The following GARNL3 variants were observed in gnomAD, a reference collection of about 807,000 sequenced individuals.
GARNL3 encodes GTPase-activating Rap/Ran-GAP domain-like protein 3.
A neutral mutation model predicts 125.0 loss-of-function variants in GARNL3; 63 were observed. That is an observed-to-expected ratio of 0.50 (90% CI 0.41 to 0.62). The LOEUF (loss-of-function observed/expected upper bound fraction) is 0.62, where lower values mean the gene tolerates loss of function less well. GARNL3 is among the 20% of genes least tolerant of loss of function. GARNL3 has a pLI of 0.00. For missense variants in GARNL3, 994 were observed against 1,244.0 expected, an observed-to-expected ratio of 0.80 and a Z score of 3.02; for synonymous variants, 439 against 457.5, an observed-to-expected ratio of 0.96 and a Z score of 0.52.
At chr9:127,382,824 T>G (rs1178446632) in intron 22 of GARNL3, among the ~76,000 whole-genome samples, 1 of 152,160 alleles carries the variant, frequency 6.6e-6, no homozygotes, top group Non-Finnish European at 1.5e-5. Context: ...TACAAGCGTA[T>G]GGCTTCAAGT....
chr9:127,372,145 A>G (rs959711681), intron 22 of GARNL3, among the ~76,000 whole-genome samples: 3 of 152,222 alleles, frequency 2.0e-5, no homozygotes, highest in South Asian at 4.1e-4. Context: ...TCATTCATTC[A>G]TTTTTCTTCA....
intron 1 of GARNL3, among the ~76,000 whole-genome samples, chr9:127,269,995 A>G (rs2063787070): frequency 6.6e-6 from 1 of 152,172 alleles, no homozygotes; most frequent in African/African-American, 2.4e-5. Flanking sequence ...TGTCATATCC[A>G]AGAAATTATT....
chr9:127,307,820 TAAA>T (rs1393592932), intron 2 of GARNL3, among the ~76,000 whole-genome samples: 1 of 152,088 alleles, frequency 6.6e-6, no homozygotes, highest in Non-Finnish European at 1.5e-5. Flanking sequence ...AATAAAAAAA[TAAA>T]AAGATAAAAA....
chr9:127,314,447 C>T (rs529065240), intron 4 of GARNL3, among the ~76,000 whole-genome samples: 4 of 152,288 alleles, frequency 2.6e-5, no homozygotes, highest in Admixed American at 1.3e-4. Context: ...CCCACAATGC[C>T]TTCAAAGCCT....
At chr9:127,226,006 C>A (rs986663661) in intron 1 of GARNL3, among the ~76,000 whole-genome samples, 12 of 152,338 alleles carry the variant, frequency 7.9e-5, no homozygotes, top group African/African-American at 2.9e-4. Flanking sequence ...GCTTCGACGT[C>A]GCTCAAGTCG....
At chr9:127,278,324 C>A (rs184008655) in intron 1 of GARNL3, among the ~76,000 whole-genome samples, 8 of 152,244 alleles carry the variant, frequency 5.3e-5, no homozygotes, top group African/African-American at 1.7e-4. Flanking sequence ...AAAGTATAGT[C>A]TTTTTAGGCA....
chr9:127,288,601 T>C (rs1167214593), intron 1 of GARNL3, among the ~76,000 whole-genome samples: 1 of 152,224 alleles, frequency 6.6e-6, no homozygotes, highest in Non-Finnish European at 1.5e-5. Flanking sequence ...AGCTCTGTCT[T>C]TATGGATTTC....
chr9:127,354,547 G>A (rs4837144), intron 19 of GARNL3, 137 bp downstream of exon 19: 133,324 of 565,996 alleles, frequency 0.24, 17,709 homozygotes, highest in Admixed American at 0.4. Flanking sequence ...CACAAAAATA[G>A]CATCACTGTT....
In GARNL3 at chr9:127,385,187, C is replaced by A; in HGVS notation, c.2388+42C>A. On this transcript the variant is annotated intron_variant, in intron 24 of 27. Coordinates refer to ENST00000373387, the MANE Select transcript of GARNL3 (RefSeq NM_032293.5). The surrounding 1 kb of genome is among the most constrained non-coding windows in gnomAD (Gnocchi z 4.1). ...TTTTATCTCTGAGTGGTTTGGGGGA[C>A]CCCGGCACTGTGGGATTTCAGGTGA... 1.6e-6 allele frequency: 2 copies of A among 1,271,950 alleles called. No individual in the cohort carries two copies. The highest frequency in any genetic ancestry group is 2.2e-6 in the Non-Finnish European group (2 of 902,742). 78.8% of individuals were successfully genotyped at this position (1,271,950 alleles called of 1,614,324 possible). A position where few individuals can be genotyped will look rare whatever the true frequency, so the allele number is the denominator to read the frequency against.
intron 22 of GARNL3, among the ~76,000 whole-genome samples, chr9:127,369,334 C>T (rs970915751): frequency 8.5e-5 from 13 of 152,174 alleles, no homozygotes; most frequent in Non-Finnish European, 1.5e-4. Flanking sequence ...CTTCCTGTAC[C>T]CCCGTGGAGA....
chr9:127,240,803 G>A (rs1036290907), intron 1 of GARNL3, among the ~76,000 whole-genome samples: 2 of 113,460 alleles, frequency 1.8e-5, no homozygotes, highest in African/African-American at 5.2e-5. Context: ...AGCTACTCAG[G>A]AGGTTGAGGC....
In GARNL3 at chr9:127,388,851, A is replaced by G. The variant is rs530253903; in HGVS notation, c.2528-53A>G. ...GGAACAAGAAATTACTCTCTTGTAA[A>G]TAATGTGCACTTTTCTTAAAGTTCT... On this transcript the variant is annotated intron_variant, in intron 25 of 27. Transcript: ENST00000373387. 6.6e-5 allele frequency: 70 copies of G among 1,060,620 alleles called. 1 individual carries two copies. In the South Asian group the frequency reaches 8.0e-4, roughly 12 times the overall value. 65.7% of individuals were successfully genotyped at this position (1,060,620 alleles called of 1,614,324 possible).
intron 22 of GARNL3, among the ~76,000 whole-genome samples, chr9:127,381,852 G>A (rs1231645024): frequency 2.0e-5 from 3 of 151,302 alleles, no homozygotes; most frequent in African/African-American, 4.9e-5. Context: ...TGATCCTCCC[G>A]CCTGGGACTC....
At chr9:127,337,300 G>C (rs1051952254) in intron 11 of GARNL3, among the ~76,000 whole-genome samples, 3 of 152,178 alleles carry the variant, frequency 2.0e-5, no homozygotes, top group African/African-American at 7.2e-5. Context: ...AAGCAGTGGT[G>C]AGGTGACTGT....
At chr9:127,243,167 G>A in exon 2 of GARNL3, 2 of 1,366,366 alleles carry the variant, frequency 1.5e-6, no homozygotes, top group Non-Finnish European at 2.0e-6. Flanking sequence ...TCTATGGAAA[G>A]CAAAGTCGTC....
chr9:127,350,743 T>A (rs1830384057), intron 17 of GARNL3, among the ~76,000 whole-genome samples: 1 of 151,104 alleles, frequency 6.6e-6, no homozygotes, highest in South Asian at 2.1e-4. Context: ...AGCACTGCAC[T>A]CCAGCCTGGG....
chr9:127,329,853 G>A (rs1829121962), intron 7 of GARNL3, among the ~76,000 whole-genome samples: 1 of 152,156 alleles, frequency 6.6e-6, no homozygotes, highest in Non-Finnish European at 1.5e-5. Context: ...CATGGACTCA[G>A]TGGACTATAG....
intron 22 of GARNL3, among the ~76,000 whole-genome samples, chr9:127,375,119 C>G (rs867675645): frequency 1.3e-5 from 2 of 152,040 alleles, no homozygotes; most frequent in African/African-American, 4.8e-5. Context: ...GTTAAACATT[C>G]GCTCACCATA....
At chr9:127,259,728 G>A (rs144765655), upstream of GARNL3, among the ~76,000 whole-genome samples, 19 of 152,110 alleles carry the variant, frequency 1.2e-4, no homozygotes, top group Admixed American at 1.2e-3. Context: ...AAAAACCTGA[G>A]AGGGATTCAT....
Sources: allele counts gnomAD v4.1 joint callset (sites outside exome capture counted in the v4.1 genomes callset), GRCh38; gene constraint gnomAD v4.1.1; non-coding constraint Gnocchi (gnomAD v3.1); transcripts MANE v1.5; gene names NCBI Gene and HGNC (gene_info 2026-07-23, HGNC 2026-07-21).